The following INTS6 variants were observed in gnomAD, a reference collection of about 807,000 sequenced individuals.
The protein encoded by INTS6 is DEAD box protein.
INTS6 carries 16 observed loss-of-function variants against 104.9 expected under a neutral mutation model. The observed-to-expected ratio is 0.15, with a 90% CI of 0.10 to 0.23. The LOEUF (loss-of-function observed/expected upper bound fraction) is 0.23. INTS6 is among the 10% of genes least tolerant of loss of function. The probability of loss-of-function intolerance (pLI) is 1.00; values close to 1 mark genes in which losing one functional copy is unlikely to be tolerated. For synonymous variants in INTS6, 324 were observed against 358.7 expected (o/e 0.90, Z 1.09); for missense variants, 584 against 1,062.8 (o/e 0.55, Z 6.26).
chr13:51,374,953 A>G (rs1053150835), intron 13 of INTS6, among the ~76,000 whole-genome samples, 157 bp from the exon 14 acceptor site: 1 of 152,210 alleles, frequency 6.6e-6, no homozygotes, highest in Non-Finnish European at 1.5e-5. Context: ...CTGCGACAAA[A>G]TATTTTAAAA....
chr13:51,431,444 C>T (rs181989978), intron 3 of INTS6, among the ~76,000 whole-genome samples: 222 of 152,240 alleles, frequency 1.5e-3, no homozygotes, highest in Non-Finnish European at 2.7e-3. Context: ...TCTAACAAGA[C>T]TGGCAGCTAG....
chr13:51,347,170 C>G, the INTS6 span: 1 of 1,614,012 alleles, frequency 6.2e-7, no homozygotes, highest in East Asian at 2.2e-5. Context: ...TCCTGCCTTT[C>G]ACCTGTGCCT....
intron 3 of INTS6, chr13:51,444,121 A>C (rs1952852089): frequency 6.6e-6 from 1 of 152,534 alleles, no homozygotes. Context: ...CCTATTGCCC[A>C]AGTTGGAGTG....
In INTS6 at chr13:51,369,131, T is replaced by A. The variant is rs1345723877; in HGVS notation, c.2284A>T (p.Thr762Ser). The A allele has an allele frequency of 1.2e-6, 2 of 1,613,768 alleles. No individual in the cohort carries two copies. The highest frequency in any genetic ancestry group is 1.3e-5 in the African/African-American group (1 of 74,904). ...MEALGHDHLG[T>S]NDLTVGGFLE... ...AATCCACCAACAGTGAGGTCATTGG[T>A]TCCTAAATGGTCATGACCAAGAGCC... Residue 762 changes from threonine (T) to serine (S), a missense_variant, in exon 16 of 18, where the codon ACC (threonine) becomes TCC (serine). By Grantham distance (58) the Thr-to-Ser change is moderately conservative. This residue lies in a region of INTS6 where 296 missense variants were observed against 437.0 expected (regional missense o/e 0.68). Coordinates refer to ENST00000311234, the MANE Select transcript of INTS6 (RefSeq NM_012141.3).
chr13:51,358,474 G>A (rs1298358248), downstream of INTS6, among the ~76,000 whole-genome samples: 2 of 152,112 alleles, frequency 1.3e-5, no homozygotes, highest in African/African-American at 4.8e-5. Flanking sequence ...TCATTTGGCT[G>A]AGACTTGCAG....
chr13:51,385,190 A>G (rs1956120809), intron 7 of INTS6: 1 of 153,650 alleles, frequency 6.5e-6, no homozygotes, highest in Non-Finnish European at 1.4e-5. Flanking sequence ...AACAACCTCT[A>G]AAAGACCTCT....
intron 12 of INTS6, among the ~76,000 whole-genome samples, chr13:51,377,346 G>A (rs1955954617): frequency 6.6e-6 from 1 of 152,014 alleles, no homozygotes; most frequent in African/African-American, 2.4e-5. Context: ...AAAGAGCAAA[G>A]TTTATTTTTT....
rs1955643964 is a variant in INTS6, at chr13:51,364,358, A to C, written c.*1394T>G. Reference sequence around the variant, plus strand: ...CATTTTGCTATACCCTTGAAATTTAAAAAAATGTCTGATAAAGTGTAAAAA... The same window carrying C: ...CATTTTGCTATACCCTTGAAATTTACAAAAATGTCTGATAAAGTGTAAAAA... On this transcript the variant is annotated 3_prime_UTR_variant, in exon 18 of 18. Coordinates refer to ENST00000311234, the MANE Select transcript of INTS6 (RefSeq NM_012141.3). 1 of 791,218 alleles carries C rather than the reference A, an allele frequency of 1.3e-6. No individual in the cohort carries two copies. The highest frequency in any genetic ancestry group is 1.8e-5 in the African/African-American group (1 of 55,658). The allele number at this position is 791,218 out of a possible 1,614,324, so 49.0% of individuals were successfully genotyped here.
At chr13:51,358,035 A>G (rs1314974773), downstream of INTS6, among the ~76,000 whole-genome samples, 2 of 152,124 alleles carry the variant, frequency 1.3e-5, no homozygotes, top group African/African-American at 4.8e-5. Context: ...ATTGCAATAG[A>G]AAGAGGTGCA....
the INTS6 span, among the ~76,000 whole-genome samples, chr13:51,343,223 A>G: frequency 1.3e-5 from 2 of 152,124 alleles, no homozygotes; most frequent in South Asian, 4.1e-4. Flanking sequence ...GATACCCAGC[A>G]TTTTGTCTTA....
intron 4 of INTS6, among the ~76,000 whole-genome samples, chr13:51,413,152 C>T (rs1318472433): frequency 6.6e-6 from 1 of 152,080 alleles, no homozygotes; most frequent in African/African-American, 2.4e-5. Context: ...CAAATAAGCA[C>T]ACAAACTACT....
At chr13:51,425,714 G>GATT (rs1723131276) in intron 4 of INTS6, among the ~76,000 whole-genome samples, 1 of 152,002 alleles carries the variant, frequency 6.6e-6, no homozygotes, top group South Asian at 2.1e-4. Flanking sequence ...TACTAGAGAG[G>GATT]ATTATCTGCA....
In INTS6 at chr13:51,378,227, C is replaced by G; in HGVS notation, c.1602+12G>C. On this transcript the variant is annotated intron_variant, in intron 12 of 17. Coordinates refer to ENST00000311234, the MANE Select transcript of INTS6 (RefSeq NM_012141.3). ...AACATAACTAGAGTAGCACTAAATT[C>G]ATGATTATTACCTTATTCAGCAAAG... is the stretch of plus-strand genomic sequence containing the variant. The G allele has an allele frequency of 1.3e-6, 2 of 1,583,262 alleles. No individual in the cohort carries two copies. The highest frequency in any genetic ancestry group is 3.4e-4 in the Middle Eastern group (2 of 5,902).
At position 51,384,386 on chromosome 13, in the gene INTS6, T is replaced by G. The variant is rs1470167329; in HGVS notation, c.895-645A>C. 3 of 283,786 alleles carry G rather than the reference T, an allele frequency of 1.1e-5. No homozygotes were observed. The Admixed American group carries it at 1.4e-4, about 13-fold the overall frequency. The allele number at this position is 283,786 out of a possible 1,614,324, so 17.6% of individuals were successfully genotyped here. ...TCCCCAATCTACCTCTTAATAGTCC[T>G]CTTCCTAAAAATCTCACAAATTGTG... is the stretch of plus-strand genomic sequence containing the variant. On this transcript the variant is annotated intron_variant, in intron 7 of 17. Transcript: ENST00000311234.
At position 51,370,835 on chromosome 13, in the gene INTS6, A is replaced by C. The variant is rs187351220; in HGVS notation, c.2105-1525T>G. 1.1e-3 allele frequency among the ~76,000 whole-genome samples: 161 copies of C among 152,290 alleles called. 1 individual carries two copies. Among genetic ancestry groups the C allele is most frequent in the Non-Finnish European group, 2.6e-4 (18 of 68,022 alleles). ...CCTGTCTGGCCTGCATTCACTTCAC[A>C]ATGGGTTAGGGGCACAGATGTTCCT... On this transcript the variant is annotated intron_variant, in intron 15 of 17. Coordinates refer to ENST00000311234, the MANE Select transcript of INTS6 (RefSeq NM_012141.3).
At chr13:51,425,150 G>C (rs1321669645) in intron 4 of INTS6, among the ~76,000 whole-genome samples, 2 of 151,892 alleles carry the variant, frequency 1.3e-5, no homozygotes, top group South Asian at 2.1e-4. Context: ...ATCTTCACCA[G>C]TTAAACTAAA....
rs1358397124 is a variant in INTS6, at chr13:51,365,110, G to A, written c.*642C>T. The A allele has an allele frequency of 6.6e-6, 1 of 152,422 alleles. No individual in the cohort carries two copies. The highest frequency in any genetic ancestry group is 2.4e-5 in the African/African-American group (1 of 41,414). 9.4% of individuals were successfully genotyped at this position (152,422 alleles called of 1,614,324 possible). A position where few individuals can be genotyped will look rare whatever the true frequency, so the allele number is the denominator to read the frequency against. On this transcript the variant is annotated 3_prime_UTR_variant, in exon 18 of 18. Coordinates refer to ENST00000311234, the MANE Select transcript of INTS6 (RefSeq NM_012141.3). The stretch of plus-strand genomic sequence containing the variant: ...AATTACAGTTAGGCTTAACAAACAT[G>A]AACTTCAAGTGGTGTATTTTTCCAA...
chr13:51,434,825 T>C (rs1459047567), intron 3 of INTS6, among the ~76,000 whole-genome samples: 2 of 152,058 alleles, frequency 1.3e-5, no homozygotes, highest in African/African-American at 4.8e-5. Flanking sequence ...AAAAAAGTTT[T>C]AGTTGTCTGC....
chr13:51,443,472 A>T (rs953232974), intron 3 of INTS6: 2 of 152,214 alleles, frequency 1.3e-5, no homozygotes, highest in Non-Finnish European at 2.9e-5. Flanking sequence ...AAAATTTTTT[A>T]AAAATTTAGT....
Sources: gnomAD v4.1 joint callset for allele counts (sites outside exome capture counted in the v4.1 genomes callset) on GRCh38, gnomAD v4.1.1 for gene constraint, gnomAD v4.1.1 regional missense constraint, MANE v1.5 for transcripts, NCBI Gene and HGNC (gene_info 2026-07-23, HGNC 2026-07-21) for gene names.